Variants in ICE1 observed in about 807,000 individuals in gnomAD.
ICE1 encodes the protein interactor of little elongation complex ELL subunit 1.
Under a neutral mutation model 192.7 loss-of-function variants are expected in ICE1, and 64 were observed. That is an observed-to-expected ratio of 0.33 (90% CI 0.27 to 0.41). The LOEUF is 0.41. Among genes scored for constraint, ICE1 ranks in the 10% least tolerant of loss-of-function variants. ICE1 has a pLI of 1.00. For synonymous variants in ICE1, 1,010 were observed against 984.5 expected (o/e 1.03, Z -0.49); for missense variants, 2,708 against 2,696.0 (o/e 1.00, Z -0.10).
intron 1 of ICE1, among the ~76,000 whole-genome samples, chr5:5,435,127 TCAA>T (rs1383292312): frequency 6.6e-6 from 1 of 152,202 alleles, no homozygotes; most frequent in Non-Finnish European, 1.5e-5. Context: ...TAAACCTCCC[TCAA>T]CAACAATTTG....
Position 5,457,621 on chromosome 5 carries a change from TGAA to T in ICE1, c.984_986del (p.Glu328del), listed in dbSNP as rs755736942. Reference sequence around the variant, plus strand: ...TTGTTGATCATGATCATTTTTTTGATGAAGATCTTCAAGCTGCAATTGACTTCT... The same window carrying T: ...TTGTTGATCATGATCATTTTTTTGATGATCTTCAAGCTGCAATTGACTTCT... On this transcript the variant is annotated inframe_deletion, in exon 12 of 19. Transcript: ENST00000296564. 6.2e-7 allele frequency: 1 copy of T among 1,614,024 alleles called. No homozygotes were observed. The highest frequency in any genetic ancestry group is 8.5e-7 in the Non-Finnish European group (1 of 1,179,888).
chr5:5,464,949 C>T lies in ICE1; in HGVS notation c.5615C>T (p.Pro1872Leu), dbSNP rs746632271. 1.2e-6 allele frequency: 2 copies of T among 1,613,648 alleles called. No homozygotes were observed. Among genetic ancestry groups the T allele is most frequent in the East Asian group, 4.5e-5 (2 of 44,866 alleles). Residue 1872 changes from proline to leucine, a missense_variant, in exon 13 of 19, where the codon CCA becomes CTA. Pro to Leu is a moderately conservative substitution (Grantham distance 98). Coordinates refer to ENST00000296564, the MANE Select transcript of ICE1 (RefSeq NM_015325.3). This position sits in a 1 kb window ranked among gnomAD's most constrained non-coding sequence, Gnocchi z 4.0. ...GCAGAAGGAATCCACAAAAACCTCC[C>T]AGGGAACCTCCCTCCAGCTGAAGTT... is the stretch of plus-strand genomic sequence containing the variant. ...VTAEGIHKNL[P>L]GNLPPAEVAT...
intron 14 of ICE1, among the ~76,000 whole-genome samples, chr5:5,467,175 G>T (rs941559814): frequency 6.6e-6 from 1 of 152,152 alleles, no homozygotes; most frequent in Admixed American, 6.5e-5. Context: ...AAGCTGTGAA[G>T]TGTTTCATTT....
chr5:5,461,541 A>G lies in ICE1; in HGVS notation c.2207A>G (p.His736Arg). Residue 736 changes from histidine to arginine, a missense_variant, in exon 13 of 19, where the codon CAT (histidine) becomes CGT (arginine). His to Arg is a conservative substitution (Grantham distance 29, BLOSUM62 0). Transcript: ENST00000296564. ...TKVVKGLTKI[H>R]SLPRSVFMKA... ...GTAGTAAAAGGCTTGACCAAAATAC[A>G]TTCACTTCCTCGGTCAGTATTTATG... 1 of 1,613,348 alleles carries G rather than the reference A, an allele frequency of 6.2e-7. No individual in the cohort carries two copies. The highest frequency in any genetic ancestry group is 8.5e-7 in the Non-Finnish European group (1 of 1,179,578).
intron 1 of ICE1, among the ~76,000 whole-genome samples, chr5:5,424,561 G>A (rs76590956): frequency 1.8e-4 from 28 of 152,142 alleles, no homozygotes; most frequent in Non-Finnish European, 4.0e-4. Flanking sequence ...TGGAGCTTCC[G>A]TTCTAGGAGG....
chr5:5,449,391 A>C (rs1335009505), intron 10 of ICE1, among the ~76,000 whole-genome samples: 1 of 152,124 alleles, frequency 6.6e-6, no homozygotes, highest in Non-Finnish European at 1.5e-5. Context: ...ACTTCACTTT[A>C]CAAAAAAAGG....
Position 5,422,949 on chromosome 5 carries a change from G to C in ICE1, c.34G>C (p.Gly12Arg). The change falls in exon 1 of 19, where the codon GGG (glycine) becomes CGG (arginine). Residue 12 changes from glycine to arginine, a missense_variant. Coordinates refer to ENST00000296564, the MANE Select transcript of ICE1 (RefSeq NM_015325.3). ...MPGETHSAAPGTAADLSRCQG... is the reference protein window; with the variant it reads ...MPGETHSAAPRTAADLSRCQG... ...GGGCGAGACCCATTCGGCGGCGCCC[G>C]GGACGGCGGCGGACCTGTCGCGATG... The C allele has an allele frequency of 1.4e-6, 2 of 1,448,634 alleles. No individual in the cohort carries two copies. Among genetic ancestry groups the C allele is most frequent in the Non-Finnish European group, 1.8e-6 (2 of 1,102,324 alleles). The allele number at this position is 1,448,634 out of a possible 1,614,324, so 89.7% of individuals were successfully genotyped here.
intron 10 of ICE1, among the ~76,000 whole-genome samples, chr5:5,449,299 C>A (rs1289162955): frequency 1.3e-5 from 2 of 151,978 alleles, no homozygotes; most frequent in Non-Finnish European, 2.9e-5. Context: ...ATGGGTTTAT[C>A]CTTACTTCTT....
intron 7 of ICE1, among the ~76,000 whole-genome samples, chr5:5,445,007 C>G (rs1423971403): frequency 6.6e-6 from 1 of 152,200 alleles, no homozygotes; most frequent in Non-Finnish European, 1.5e-5. Context: ...CAAAGGGGCT[C>G]TGCCAGATCC....
At chr5:5,478,984 C>G (rs994271160) in intron 17 of ICE1, among the ~76,000 whole-genome samples, 7 of 152,126 alleles carry the variant, frequency 4.6e-5, no homozygotes, top group African/African-American at 1.7e-4. Flanking sequence ...AAACCCAAAA[C>G]CATAAAAACC....
At position 5,422,905 on chromosome 5, in the gene ICE1, G is replaced by A; in HGVS notation, c.-11G>A. The A allele has an allele frequency of 1.4e-6, 2 of 1,384,702 alleles. No individual in the cohort carries two copies. The highest frequency in any genetic ancestry group is 1.9e-6 in the Non-Finnish European group (2 of 1,068,844). The allele number at this position is 1,384,702 out of a possible 1,614,324, so 85.8% of individuals were successfully genotyped here. On this transcript the variant is annotated 5_prime_UTR_variant, in exon 1 of 19. Coordinates refer to ENST00000296564, the MANE Select transcript of ICE1 (RefSeq NM_015325.3). ...GAGGCGTGCGTGCCCACCGGGCCCGGCGGCGGCACCATGATGCCGGGCGAG... is the reference window on the plus strand; with the variant it reads ...GAGGCGTGCGTGCCCACCGGGCCCGACGGCGGCACCATGATGCCGGGCGAG...
At chr5:5,488,537 C>T (rs989104683) in intron 18 of ICE1, among the ~76,000 whole-genome samples, 2 of 152,054 alleles carry the variant, frequency 1.3e-5, no homozygotes, top group African/African-American at 4.8e-5. Flanking sequence ...AATTGTTTAA[C>T]CTAAATTATC....
Position 5,448,020 on chromosome 5 carries a change from G to C in ICE1, c.604+123G>C, listed in dbSNP as rs1394478552. ...GCTTAGTAGATGTTTCGTTTTAGTA[G>C]AAGTCATATATTATTGTGTCTTCAT... On this transcript the variant is annotated intron_variant, in intron 10 of 18. Coordinates refer to ENST00000296564, the MANE Select transcript of ICE1 (RefSeq NM_015325.3). 9.0e-6 allele frequency: 6 copies of C among 667,568 alleles called. No individual in the cohort carries two copies. In the East Asian group the frequency reaches 1.4e-4, roughly 15 times the overall value. The allele number at this position is 667,568 out of a possible 1,614,324, so 41.4% of individuals were successfully genotyped here.
In ICE1 at chr5:5,464,232, C is replaced by G. The variant is rs763103873; in HGVS notation, c.4898C>G (p.Pro1633Arg). 1.9e-6 allele frequency: 3 copies of G among 1,613,436 alleles called. No homozygotes were observed. The highest frequency in any genetic ancestry group is 2.5e-6 in the Non-Finnish European group (3 of 1,179,802). Residue 1633 changes from proline to arginine, a missense_variant, in exon 13 of 19, where the codon CCG (proline) becomes CGG (arginine). Pro to Arg is a moderately radical substitution (Grantham distance 103). Coordinates refer to ENST00000296564, the MANE Select transcript of ICE1 (RefSeq NM_015325.3). The surrounding 1 kb of genome is among the most constrained non-coding windows in gnomAD (Gnocchi z 4.0). ...KIRQEVGPPL[P>R]PLLAPLIATP... ...CGGCAAGAGGTGGGGCCTCCTTTGC[C>G]GCCTCTGCTTGCTCCTCTGATAGCT...
intron 17 of ICE1, 108 bp from the exon 18 acceptor site, chr5:5,486,610 AATG>A (rs946287374): frequency 2.9e-6 from 2 of 689,790 alleles, no homozygotes; most frequent in Admixed American, 4.8e-5. Flanking sequence ...TGCAAGACGA[AATG>A]ATGAGGCATT....
intron 1 of ICE1, among the ~76,000 whole-genome samples, chr5:5,435,901 C>T (rs576811658): frequency 2.0e-5 from 3 of 152,112 alleles, no homozygotes; most frequent in African/African-American, 7.2e-5. Flanking sequence ...AACTCCTGAC[C>T]TCAGGTAATC....
intron 14 of ICE1, among the ~76,000 whole-genome samples, chr5:5,467,628 A>G (rs1714699388): frequency 6.6e-6 from 1 of 152,138 alleles, no homozygotes; most frequent in African/African-American, 2.4e-5. Context: ...TAGCTTGTAT[A>G]CTCTGTAAGG....
chr5:5,477,204 C>A (rs1276783926), intron 17 of ICE1, among the ~76,000 whole-genome samples: 1 of 152,056 alleles, frequency 6.6e-6, no homozygotes, highest in East Asian at 1.9e-4. Context: ...AATCCAGGAG[C>A]TGGGTTTTTG....
At chr5:5,423,067 G>T in intron 1 of ICE1, 68 bp downstream of exon 1, 1 of 1,107,330 alleles carries the variant, frequency 9.0e-7, no homozygotes, top group Non-Finnish European at 1.2e-6. Context: ...GCGCAGGGAT[G>T]TGGGGTCCGG....
Sources: gnomAD v4.1 joint callset for allele counts (sites outside exome capture counted in the v4.1 genomes callset) on GRCh38, gnomAD v4.1.1 for gene constraint, Gnocchi (gnomAD v3.1) non-coding constraint, MANE v1.5 for transcripts, NCBI Gene and HGNC (gene_info 2026-07-23, HGNC 2026-07-21) for gene names.